Variants in CCDC88C observed in about 807,000 individuals in gnomAD.
The protein encoded by CCDC88C is coiled-coil and HOOK domain protein 88C, also known as protein Daple.
In CCDC88C, 131 loss-of-function variants were observed where a neutral mutation model predicts 198.8. The observed-to-expected ratio is 0.66, with a 90% CI of 0.57 to 0.76. The LOEUF (loss-of-function observed/expected upper bound fraction) is 0.76, where lower values mean the gene tolerates loss of function less well. CCDC88C is among the 30% of genes least tolerant of loss of function. The pLI, the probability that CCDC88C is intolerant of heterozygous loss-of-function variation, is 0.00. For missense variants in CCDC88C, 2,553 were observed against 2,631.6 expected (o/e 0.97, Z 0.65); for synonymous variants, 1,166 against 1,114.7 (o/e 1.05, Z -0.92).
intron 22 of CCDC88C, among the ~76,000 whole-genome samples, chr14:91,296,022 G>C (rs1356673765): frequency 6.6e-6 from 1 of 152,196 alleles, no homozygotes; most frequent in Non-Finnish European, 1.5e-5. Flanking sequence ...AGCCCTGCCG[G>C]TTCACGGATC....
intron 4 of CCDC88C, among the ~76,000 whole-genome samples, chr14:91,345,195 T>A (rs1454978319): frequency 4.7e-3 from 605 of 128,624 alleles, no homozygotes; most frequent in Non-Finnish European, 6.3e-3. Context: ...TATATATTTT[T>A]TTTTTTTTTT....
At chr14:91,387,486 T>C (rs745315912) in intron 3 of CCDC88C, among the ~76,000 whole-genome samples, 1 of 152,186 alleles carries the variant, frequency 6.6e-6, no homozygotes, top group Non-Finnish European at 1.5e-5. Flanking sequence ...AGGAAGGCAA[T>C]GACAGTTGCC....
intron 2 of CCDC88C, 94 bp from the exon 3 acceptor site, chr14:91,408,861 C>G: frequency 2.6e-6 from 2 of 782,726 alleles, no homozygotes; most frequent in Middle Eastern, 2.7e-4. Flanking sequence ...CCTCCAGTCC[C>G]TAGGTGACCA....
chr14:91,356,064 G>A (rs577506532), intron 4 of CCDC88C, among the ~76,000 whole-genome samples: 60 of 152,126 alleles, frequency 3.9e-4, no homozygotes, highest in African/African-American at 1.4e-3. Flanking sequence ...GCCCCACCCC[G>A]GGCAACCATA....
chr14:91,304,500 G>A (rs937138731), intron 19 of CCDC88C, among the ~76,000 whole-genome samples: 1 of 152,226 alleles, frequency 6.6e-6, no homozygotes, highest in Non-Finnish European at 1.5e-5. Context: ...GAGGCAGGAG[G>A]ACTGCTTGAG....
chr14:91,417,577 G>C, intron 1 of CCDC88C, 54 bp downstream of exon 1: 1 of 1,520,954 alleles, frequency 6.6e-7, no homozygotes, highest in Non-Finnish European at 8.9e-7. Flanking sequence ...CCCGTCGCCG[G>C]GCTAGAGAGA....
chr14:91,289,359 T>G lies in CCDC88C; in HGVS notation c.4203-16A>C, dbSNP rs1331646362. 1 of 1,609,902 alleles carries G rather than the reference T, an allele frequency of 6.2e-7. No homozygotes were observed. Among genetic ancestry groups the G allele is most frequent in the African/African-American group, 1.3e-5 (1 of 74,864 alleles). ...GTGGTTCTTCCTGGTTAGAAGTAGATGTTTAGGACATAGCCAGCCCTCCCA... is the reference window on the plus strand; with the variant it reads ...GTGGTTCTTCCTGGTTAGAAGTAGAGGTTTAGGACATAGCCAGCCCTCCCA... On this transcript the variant is annotated splice_polypyrimidine_tract_variant and intron_variant, in intron 24 of 29. Transcript: ENST00000389857.
chr14:91,372,532 G>GT (rs1567105600), intron 3 of CCDC88C, among the ~76,000 whole-genome samples: 2 of 115,726 alleles, frequency 1.7e-5, no homozygotes, highest in Admixed American at 1.6e-4. Flanking sequence ...GTGGTGCGGG[G>GT]GGGGGCGGGC....
At chr14:91,373,003 G>C (rs1894893443) in intron 3 of CCDC88C, among the ~76,000 whole-genome samples, 1 of 152,152 alleles carries the variant, frequency 6.6e-6, no homozygotes, top group African/African-American at 2.4e-5. Context: ...CTTCAACACA[G>C]GGCAGCTCTG....
chr14:91,337,929 G>A, intron 10 of CCDC88C, 76 bp downstream of exon 10: 1 of 1,566,300 alleles, frequency 6.4e-7, no homozygotes, highest in Non-Finnish European at 8.7e-7. Context: ...AAGCCCCCAA[G>A]GACAGGTCAG....
rs1891740533 is a variant in CCDC88C, at chr14:91,309,887, A to G, written c.2836T>C (p.Leu946=). The G allele has an allele frequency of 6.2e-7, 1 of 1,611,748 alleles. No individual in the cohort carries two copies. Among genetic ancestry groups the G allele is most frequent in the Non-Finnish European group, 8.5e-7 (1 of 1,178,418 alleles). The change falls in exon 16 of 30, where the codon TTG becomes CTG. Residue 946 remains leucine, a synonymous_variant. Coordinates refer to ENST00000389857, the MANE Select transcript of CCDC88C (RefSeq NM_001080414.4). The part of the protein sequence containing the change: ...EKVGLNRELL[L]QEDDSGSDTK... ...TCACTGCCGCTGTCGTCCTCCTGCA[A>G]CAGCAGCTCCCTGTTGAGGCCGACC...
At chr14:91,345,948 T>C (rs1322729010) in intron 4 of CCDC88C, among the ~76,000 whole-genome samples, 1 of 151,978 alleles carries the variant, frequency 6.6e-6, no homozygotes, top group African/African-American at 2.4e-5. Context: ...AAAAAATCTA[T>C]GTGTTCTTTT....
chr14:91,384,063 C>T (rs756033923), intron 3 of CCDC88C, among the ~76,000 whole-genome samples: 7 of 152,098 alleles, frequency 4.6e-5, no homozygotes, highest in Non-Finnish European at 4.4e-5. Flanking sequence ...ATCTGGGTAC[C>T]AAGAGGACTG....
At position 91,315,884 on chromosome 14, in the gene CCDC88C, G is replaced by A. The variant is rs930679221; in HGVS notation, c.1528-97C>T. ...AGAAACCACCCCAACAGAATGCACT[G>A]ATGGGTCTTTTCTCAAGGGAAGACC... On this transcript the variant is annotated intron_variant, in intron 13 of 29. Transcript: ENST00000389857. 9.9e-6 allele frequency: 13 copies of A among 1,311,324 alleles called. No homozygotes were observed. The South Asian group carries it at 1.8e-4, about 18-fold the overall frequency. The allele number at this position is 1,311,324 out of a possible 1,614,324, so 81.2% of individuals were successfully genotyped here.
chr14:91,415,212 T>G (rs1161950653), intron 2 of CCDC88C, among the ~76,000 whole-genome samples: 2 of 152,002 alleles, frequency 1.3e-5, no homozygotes, highest in Admixed American at 1.3e-4. Context: ...TGGCCAGAAC[T>G]CGAATATGCC....
At position 91,309,869 on chromosome 14, in the gene CCDC88C, C is replaced by T. The variant is rs758137281; in HGVS notation, c.2854G>A (p.Gly952Ser). 2.2e-5 allele frequency: 36 copies of T among 1,610,640 alleles called. No homozygotes were observed. Among genetic ancestry groups the T allele is most frequent in the East Asian group, 4.5e-5 (2 of 44,790 alleles). The change falls in exon 16 of 30, where the codon GGC (glycine) becomes AGC (serine). Residue 952 changes from glycine to serine, a missense_variant. Around this residue, in one of 2 missense-constraint regions of CCDC88C, gnomAD observed 1,260 missense variants for 1,412.0 expected, o/e 0.89. Transcript: ENST00000389857. The part of the protein sequence containing the change: ...RELLLQEDDS[G>S]SDTKYKILEG... ...AGAAGAGGCCCTCACGTGTCACTGC[C>T]GCTGTCGTCCTCCTGCAACAGCAGC...
At chr14:91,298,654 C>T (rs572386783) in intron 21 of CCDC88C, among the ~76,000 whole-genome samples, 1 of 152,360 alleles carries the variant, frequency 6.6e-6, no homozygotes, top group African/African-American at 2.4e-5. Context: ...GGCCCGCCTC[C>T]AGCTGGCGGC....
chr14:91,281,355 G>C, intron 27 of CCDC88C, 102 bp downstream of exon 27: 1 of 1,580,522 alleles, frequency 6.3e-7, no homozygotes, highest in South Asian at 1.1e-5. Flanking sequence ...ACCTTCATTT[G>C]GTGTTGGACT....
At chr14:91,279,485 A>G in intron 27 of CCDC88C, 179 bp from the exon 28 acceptor site, 2 of 561,974 alleles carry the variant, frequency 3.6e-6, no homozygotes, top group South Asian at 2.3e-5. Context: ...CACTTCACCA[A>G]CGGAGTGCTG....
Sources: allele counts gnomAD v4.1 joint callset (sites outside exome capture counted in the v4.1 genomes callset), GRCh38; gene constraint gnomAD v4.1.1; regional missense constraint gnomAD v4.1.1; transcripts MANE v1.5; gene names NCBI Gene and HGNC (gene_info 2026-07-23, HGNC 2026-07-21).